Variants in NRBP2 observed in about 807,000 individuals in gnomAD.
NRBP2 encodes the protein nuclear receptor-binding protein 2.
NRBP2 carries 47 observed loss-of-function variants against 74.4 expected under a neutral mutation model. That is an observed-to-expected ratio of 0.63 (90% CI 0.50 to 0.81). NRBP2 has a LOEUF of 0.81. Ranked by LOEUF, NRBP2 falls within the 30% of genes least tolerant of loss-of-function variation. The pLI is 0.00. For synonymous variants in NRBP2, 312 were observed against 273.8 expected, an observed-to-expected ratio of 1.14 and a Z score of -1.38; for missense variants, 613 against 690.1, an observed-to-expected ratio of 0.89 and a Z score of 1.25.
At chr8:143,831,416 G>A (rs1818162881), downstream of NRBP2, among the ~76,000 whole-genome samples, 1 of 152,206 alleles carries the variant, frequency 6.6e-6, no homozygotes, top group Non-Finnish European at 1.5e-5. Flanking sequence ...AGGGGTTCAA[G>A]ACCAGCTTGG....
rs1554652713 is a variant in NRBP2, at chr8:143,839,002, C to G, written c.688+15G>C. 6.4e-7 allele frequency: 1 copy of G among 1,551,650 alleles called. No homozygotes were observed. The highest frequency in any genetic ancestry group is 8.7e-7 in the Non-Finnish European group (1 of 1,148,456). On this transcript the variant is annotated intron_variant, in intron 8 of 17. Transcript: ENST00000442628. This position sits in a 1 kb window ranked among gnomAD's most constrained non-coding sequence, Gnocchi z 5.1. ...GCAGGGTAGGCACGGGGCACCCGGACCCAGCACCACTCACCTCCATACTCT... is the reference window on the plus strand; with the variant it reads ...GCAGGGTAGGCACGGGGCACCCGGAGCCAGCACCACTCACCTCCATACTCT...
At chr8:143,836,862 C>T (rs1818422961) in intron 14 of NRBP2, among the ~76,000 whole-genome samples, 177 bp downstream of exon 14, 1 of 151,898 alleles carries the variant, frequency 6.6e-6, no homozygotes, top group Non-Finnish European at 1.5e-5. Context: ...GGAGAGTGCC[C>T]AGCCTGTCCT....
At chr8:143,836,281 A>C in intron 14 of NRBP2, 101 bp from the exon 15 acceptor site, 1 of 1,411,596 alleles carries the variant, frequency 7.1e-7, no homozygotes, top group Non-Finnish European at 9.3e-7. Context: ...GAAAGGGGGG[A>C]ATCTCTAAGA....
In NRBP2 at chr8:143,840,089, A is replaced by T. The variant is rs1220614041; in HGVS notation, c.252+18T>A. ...AGGTGGTCACCCAAGCAGGATGAGGAGGGGGCAGCGGTCTCACCTCGTGCG... is the reference window on the plus strand; with the variant it reads ...AGGTGGTCACCCAAGCAGGATGAGGTGGGGGCAGCGGTCTCACCTCGTGCG... On this transcript the variant is annotated intron_variant, in intron 2 of 17. Transcript: ENST00000442628. This position sits in a 1 kb window ranked among gnomAD's most constrained non-coding sequence, Gnocchi z 5.7. 4.6e-6 allele frequency: 7 copies of T among 1,535,892 alleles called. No homozygotes were observed. Among genetic ancestry groups the T allele is most frequent in the Non-Finnish European group, 6.1e-6 (7 of 1,146,862 alleles).
At chr8:143,836,666 G>A (rs1215411427) in intron 14 of NRBP2, among the ~76,000 whole-genome samples, 1 of 130,148 alleles carries the variant, frequency 7.7e-6, no homozygotes, top group African/African-American at 2.8e-5. Context: ...ATAGATGTCC[G>A]GGAATCAGCA....
Position 143,839,598 on chromosome 8 carries a change from G to A in NRBP2, c.445-49C>T. On this transcript the variant is annotated intron_variant, in intron 4 of 17. Coordinates refer to ENST00000442628, the MANE Select transcript of NRBP2 (RefSeq NM_178564.4). The surrounding 1 kb of genome is among the most constrained non-coding windows in gnomAD (Gnocchi z 5.1). ...TCGGTCGGGTGGGCGCAGGAGAGGC[G>A]GCTGGGCCTGCGGAGCCCGCCCCGC... 7 of 1,513,498 alleles carry A rather than the reference G, an allele frequency of 4.6e-6. No homozygotes were observed. Among genetic ancestry groups the A allele is most frequent in the South Asian group, 1.2e-5 (1 of 81,108 alleles). The allele number at this position is 1,513,498 out of a possible 1,614,324, so 93.8% of individuals were successfully genotyped here.
intron 14 of NRBP2, among the ~76,000 whole-genome samples, chr8:143,836,596 C>T (rs554674106): frequency 2.1e-4 from 31 of 150,900 alleles, no homozygotes; most frequent in African/African-American, 7.3e-4. Context: ...TGCACTGCAC[C>T]GAGAGAGGCC....
chr8:143,838,681 C>T lies in NRBP2; in HGVS notation c.839G>A (p.Arg280Gln), dbSNP rs147959502. The T allele has an allele frequency of 2.2e-4, 361 of 1,605,840 alleles. No homozygotes were observed. The highest frequency in any genetic ancestry group is 1.0e-3 in the East Asian group (45 of 44,590). Residue 280 changes from arginine (R) to glutamine (Q), a missense_variant and splice_region_variant, in exon 10 of 18, where the codon CGG becomes CAG. Arg to Gln is a conservative substitution (Grantham distance 43). Transcript: ENST00000442628. The part of the protein sequence containing the change: ...ARHSLSDPNM[R>Q]EFILCCLARD... ...GGAGGGGCAGGGCAAGCTGCTTACC[C>T]GCATGTTGGGGTCACTCAGCGAGTG...
Position 143,839,712 on chromosome 8 carries a change from G to A in NRBP2, c.444+24C>T. 1 of 1,533,946 alleles carries A rather than the reference G, an allele frequency of 6.5e-7. No individual in the cohort carries two copies. The highest frequency in any genetic ancestry group is 1.2e-5 in the South Asian group (1 of 84,032). ...GCCCCAACCCCGTCCTGTCCCCGTG[G>A]CTGCCCCAGCCCGCTCCCCATACCC... On this transcript the variant is annotated intron_variant, in intron 4 of 17. Coordinates refer to ENST00000442628, the MANE Select transcript of NRBP2 (RefSeq NM_178564.4). This position sits in a 1 kb window ranked among gnomAD's most constrained non-coding sequence, Gnocchi z 5.1.
intron 9 of NRBP2, 34 bp from the exon 10 acceptor site, chr8:143,838,809 G>A (rs782198728): frequency 1.7e-5 from 28 of 1,611,074 alleles, no homozygotes; most frequent in Non-Finnish European, 2.4e-5. Flanking sequence ...CATGGGGAAG[G>A]GACCACACAG....
In NRBP2 at chr8:143,840,056, T is replaced by C; in HGVS notation, c.253-26A>G. ...CTGGGGAGGGAGGGTGGTCGCTGGG[T>C]GGTCAGCAGGTGGTCACCCAAGCAG... is the stretch of plus-strand genomic sequence containing the variant. On this transcript the variant is annotated intron_variant, in intron 2 of 17. Coordinates refer to ENST00000442628, the MANE Select transcript of NRBP2 (RefSeq NM_178564.4). This position sits in a 1 kb window ranked among gnomAD's most constrained non-coding sequence, Gnocchi z 5.7. 6.5e-7 allele frequency: 1 copy of C among 1,535,982 alleles called. No homozygotes were observed. Among genetic ancestry groups the C allele is most frequent in the Non-Finnish European group, 8.7e-7 (1 of 1,146,862 alleles).
chr8:143,839,566 G>A lies in NRBP2; in HGVS notation c.445-17C>T. On this transcript the variant is annotated splice_polypyrimidine_tract_variant and intron_variant, in intron 4 of 17. Coordinates refer to ENST00000442628, the MANE Select transcript of NRBP2 (RefSeq NM_178564.4). The surrounding 1 kb of genome is among the most constrained non-coding windows in gnomAD (Gnocchi z 5.1). ...CTTCCAGGCCTGGCGGCGGACGCAC[G>A]ACTCCGTCGGTCGGGTGGGCGCAGG... is the stretch of plus-strand genomic sequence containing the variant. The A allele has an allele frequency of 1.3e-6, 2 of 1,528,760 alleles. No individual in the cohort carries two copies. The highest frequency in any genetic ancestry group is 1.7e-6 in the Non-Finnish European group (2 of 1,143,728). 94.7% of individuals were successfully genotyped at this position (1,528,760 alleles called of 1,614,324 possible).
Position 143,840,048 on chromosome 8 carries a change from TC to T in NRBP2, c.253-19del. 6.5e-7 allele frequency: 1 copy of T among 1,536,106 alleles called. No homozygotes were observed. The highest frequency in any genetic ancestry group is 8.7e-7 in the Non-Finnish European group (1 of 1,146,892). On this transcript the variant is annotated intron_variant, in intron 2 of 17. Coordinates refer to ENST00000442628, the MANE Select transcript of NRBP2 (RefSeq NM_178564.4). This position sits in a 1 kb window ranked among gnomAD's most constrained non-coding sequence, Gnocchi z 5.7. ...ATCTTCTCCTGGGGAGGGAGGGTGG[TC>T]GCTGGGTGGTCAGCAGGTGGTCACC...
At chr8:143,830,629 T>A (rs1818119254), downstream of NRBP2, among the ~76,000 whole-genome samples, 3 of 152,192 alleles carry the variant, frequency 2.0e-5, no homozygotes, top group Non-Finnish European at 4.4e-5. Context: ...CCCAGTAGAA[T>A]GGCCCAGCCA....
chr8:143,832,953 C>T (rs2130506607), downstream of NRBP2, among the ~76,000 whole-genome samples: 1 of 152,340 alleles, frequency 6.6e-6, no homozygotes, highest in South Asian at 2.1e-4. Context: ...CAACCCACCC[C>T]TACAAAGACA....
Position 143,835,679 on chromosome 8 carries a change from G to T in NRBP2, c.1489C>A (p.Arg497Ser). ...AFLESTFLKY[R>S]GTQA ...GCTCCGGGTCAGGCCTGGGTCCCAC[G>T]GTACTTGAGGAAGGTGCTCTCCAGG... The change falls in exon 18 of 18, where the codon CGT (arginine) becomes AGT (serine). Residue 497 changes from arginine (R) to serine (S), a missense_variant. Transcript: ENST00000442628. The surrounding 1 kb of genome is among the most constrained non-coding windows in gnomAD (Gnocchi z 4.9). 1 of 1,596,456 alleles carries T rather than the reference G, an allele frequency of 6.3e-7. No individual in the cohort carries two copies. The highest frequency in any genetic ancestry group is 8.5e-7 in the Non-Finnish European group (1 of 1,173,222).
In NRBP2 at chr8:143,840,430, A is replaced by G; in HGVS notation, c.130-201T>C. The G allele has an allele frequency of 1.3e-6, 1 of 755,922 alleles. No homozygotes were observed. The highest frequency in any genetic ancestry group is 2.1e-6 in the Non-Finnish European group (1 of 481,284). The allele number at this position is 755,922 out of a possible 1,614,324, so 46.8% of individuals were successfully genotyped here. Reference sequence around the variant, plus strand: ...CAAGGGCTGGGCTAAGGGGATTTGGAGCAGGTTTCAGGGGGTCGAGGGGGA... The same window carrying G: ...CAAGGGCTGGGCTAAGGGGATTTGGGGCAGGTTTCAGGGGGTCGAGGGGGA... On this transcript the variant is annotated intron_variant, in intron 1 of 17. Coordinates refer to ENST00000442628, the MANE Select transcript of NRBP2 (RefSeq NM_178564.4). The surrounding 1 kb of genome is among the most constrained non-coding windows in gnomAD (Gnocchi z 5.7).
At position 143,840,260 on chromosome 8, in the gene NRBP2, TG is replaced by T. The variant is rs1411499575; in HGVS notation, c.130-32del. 4.6e-6 allele frequency: 7 copies of T among 1,535,234 alleles called. No individual in the cohort carries two copies. The Admixed American group carries it at 1.2e-4, about 26-fold the overall frequency. On this transcript the variant is annotated intron_variant, in intron 1 of 17. Coordinates refer to ENST00000442628, the MANE Select transcript of NRBP2 (RefSeq NM_178564.4). This position sits in a 1 kb window ranked among gnomAD's most constrained non-coding sequence, Gnocchi z 5.7. ...GGTGAATAAAGGGTTATGTGTGCCC[TG>T]GTGTGTGTCAGGGTTGTGGGTGAGG...
chr8:143,836,295 G>A (rs545426597), intron 14 of NRBP2, 115 bp from the exon 15 acceptor site: 19 of 1,371,302 alleles, frequency 1.4e-5, no homozygotes, highest in Middle Eastern at 4.6e-4. Context: ...TCTAAGAGGA[G>A]CCCATCTCAC....
Sources: allele counts gnomAD v4.1 joint callset (sites outside exome capture counted in the v4.1 genomes callset), GRCh38; gene constraint gnomAD v4.1.1; non-coding constraint Gnocchi (gnomAD v3.1); transcripts MANE v1.5; gene names NCBI Gene and HGNC (gene_info 2026-07-23, HGNC 2026-07-21).